Variants in DMD observed in about 807,000 individuals in gnomAD.
The protein encoded by DMD is mutant dystrophin.
DMD carries 63 observed loss-of-function variants against 330.1 expected under a neutral mutation model. The ratio of observed to expected loss-of-function variants is 0.19; its 90% CI spans 0.16 to 0.24. The LOEUF (loss-of-function observed/expected upper bound fraction) is 0.24. DMD is among the 10% of genes least tolerant of loss of function. DMD has a pLI of 1.00. For missense variants in DMD, 3,344 were observed against 2,684.1 expected (o/e 1.25, Z -5.43); for synonymous variants, 1,223 against 959.8 (o/e 1.27, Z -5.07).
intron 9 of DMD, among the ~76,000 whole-genome samples, chrX:32,683,099 CA>C: frequency 8.9e-6 from 1 of 111,890 alleles, no homozygotes; most frequent in South Asian, 3.8e-4. Flanking sequence ...CACATTCTAA[CA>C]GCAGTCTTTA....
intron 55 of DMD, among the ~76,000 whole-genome samples, chrX:31,524,840 G>A (rs2073126647): frequency 9.0e-6 from 1 of 111,628 alleles, no homozygotes; most frequent in Non-Finnish European, 1.9e-5. Context: ...TTTTAAGTGT[G>A]ATTGCTAGAA....
intron 50 of DMD, among the ~76,000 whole-genome samples, chrX:31,779,480 G>A (rs1201123260): frequency 8.9e-6 from 1 of 111,855 alleles, no homozygotes; most frequent in African/African-American, 3.3e-5. Context: ...TTCTTCTCAA[G>A]TCCATTGGAG....
chrX:31,934,636 A>C (rs374339401), intron 45 of DMD, among the ~76,000 whole-genome samples: 1 of 111,249 alleles, frequency 9.0e-6, no homozygotes, highest in Admixed American at 9.6e-5. Flanking sequence ...CTGATCTAGA[A>C]GTACTTCTGC....
chrX:33,260,688 G>C, intron 1 of DMD, among the ~76,000 whole-genome samples: 1 of 111,476 alleles, frequency 9.0e-6, no homozygotes, highest in Non-Finnish European at 1.9e-5. Flanking sequence ...CCTATCAAAA[G>C]TGAAATGGGA....
Position 31,415,688 on chromosome X carries a change from A to G in DMD, c.9084+28793T>C, listed in dbSNP as rs186987335. ...TTATGGATAAATTTTGTTTACCAAT[A>G]TCCTTCCTCATTCCTGGTTCTGCTT... On this transcript the variant is annotated intron_variant, in intron 60 of 78. Transcript: ENST00000357033. 6.7e-3 allele frequency among the ~76,000 whole-genome samples: 744 copies of G among 111,572 alleles called. 2 individuals carry two copies. The highest frequency in any genetic ancestry group is 0.011 in the Non-Finnish European group (593 of 53,136).
At position 31,496,954 on chromosome X, in the gene DMD, A is replaced by G; in HGVS notation, c.8391-10T>C. The G allele has an allele frequency of 2.5e-6, 3 of 1,203,364 alleles. No homozygotes were observed. The highest frequency in any genetic ancestry group is 3.4e-6 in the Non-Finnish European group (3 of 890,467). ...GGCTTCCAAATGGGACCTGAAAAAGAACAGCAGCGTACCATGTCAGAATAT... is the reference window on the plus strand; with the variant it reads ...GGCTTCCAAATGGGACCTGAAAAAGGACAGCAGCGTACCATGTCAGAATAT... On this transcript the variant is annotated splice_polypyrimidine_tract_variant and intron_variant, in intron 56 of 78. Transcript: ENST00000357033.
chrX:31,156,286 T>C (rs934966934), intron 74 of DMD, among the ~76,000 whole-genome samples: 1 of 112,335 alleles, frequency 8.9e-6, no homozygotes, highest in South Asian at 3.7e-4. Flanking sequence ...AAAGGTTTTA[T>C]ATAAGACATT....
At chrX:31,203,533 GT>G (rs1310034201) in intron 67 of DMD, among the ~76,000 whole-genome samples, 1 of 58,332 alleles carries the variant, frequency 1.7e-5, no homozygotes, top group African/African-American at 5.2e-5. Context: ...ACAAAGGACA[GT>G]TTTAAAAAAA....
chrX:32,817,008 G>A (rs995506905), intron 5 of DMD, among the ~76,000 whole-genome samples: 2 of 111,653 alleles, frequency 1.8e-5, no homozygotes, highest in Non-Finnish European at 3.8e-5. Flanking sequence ...ATATAAAAGC[G>A]CTTTTTGGAT....
chrX:33,000,702 T>A (rs1267208213), intron 2 of DMD, among the ~76,000 whole-genome samples: 3 of 112,288 alleles, frequency 2.7e-5, no homozygotes, highest in Non-Finnish European at 5.6e-5. Flanking sequence ...AATAATGCAA[T>A]AAATAATACT....
In DMD at chrX:33,206,272, T is replaced by C. The variant is rs769919181; in HGVS notation, c.31+5010A>G. ...TTCATCAATTTGCTAGCATTTTTAA[T>C]TTATGGACAATTATTTTCTTAAAAT... On this transcript the variant is annotated intron_variant, in intron 1 of 78. Transcript: ENST00000357033. 3.1e-4 allele frequency among the ~76,000 whole-genome samples: 35 copies of C among 112,314 alleles called. No individual in the cohort carries two copies. In the South Asian group the frequency reaches 4.0e-3, roughly 13 times the overall value.
chrX:32,335,945 GTA>G (rs1491168851), intron 41 of DMD, among the ~76,000 whole-genome samples: 34 of 104,304 alleles, frequency 3.3e-4, no homozygotes, highest in African/African-American at 1.0e-3. Context: ...GTGTATACGT[GTA>G]TGTTATATAT....
At chrX:31,693,232 T>G (rs1187811752) in intron 52 of DMD, among the ~76,000 whole-genome samples, 1 of 111,880 alleles carries the variant, frequency 8.9e-6, no homozygotes. Flanking sequence ...CATCCTTTTA[T>G]GAGAAAAACT....
chrX:32,473,736 T>C (rs748801536), intron 21 of DMD, among the ~76,000 whole-genome samples: 6 of 111,864 alleles, frequency 5.4e-5, no homozygotes, highest in South Asian at 3.7e-4. Flanking sequence ...TTATATTTAA[T>C]CTGAGCACTT....
At chrX:31,701,274 T>A (rs1231108496) in intron 52 of DMD, among the ~76,000 whole-genome samples, 1 of 112,103 alleles carries the variant, frequency 8.9e-6, no homozygotes, top group Non-Finnish European at 1.9e-5. Context: ...AAACGGAAAT[T>A]AACCCCGAAA....
At position 31,618,625 on chromosome X, in the gene DMD, C is replaced by G. The variant is rs993541628; in HGVS notation, c.8217+9048G>C. Reference sequence around the variant, plus strand: ...AGTCAATGTAGAGTAATGGGTAGGACAGTAGAGTTGGTAGAAGATCAGAAA... The same window carrying G: ...AGTCAATGTAGAGTAATGGGTAGGAGAGTAGAGTTGGTAGAAGATCAGAAA... On this transcript the variant is annotated intron_variant, in intron 55 of 78. Coordinates refer to ENST00000357033, the MANE Select transcript of DMD (RefSeq NM_004006.3). 7.2e-5 allele frequency among the ~76,000 whole-genome samples: 8 copies of G among 111,665 alleles called. No homozygotes were observed. The East Asian group carries it at 2.2e-3, about 31-fold the overall frequency.
intron 44 of DMD, among the ~76,000 whole-genome samples, chrX:32,023,723 T>C (rs2095824432): frequency 8.9e-6 from 1 of 111,756 alleles, no homozygotes; most frequent in Admixed American, 9.5e-5. Context: ...ATAAAGAATG[T>C]GGCGCGTATA....
chrX:31,130,443 A>G (rs776535193), intron 77 of DMD, among the ~76,000 whole-genome samples: 1 of 112,175 alleles, frequency 8.9e-6, no homozygotes, highest in South Asian at 3.8e-4. Flanking sequence ...GCTAATATTC[A>G]GTGTTCAAAT....
chrX:31,609,001 T>C (rs2077757333), intron 55 of DMD, among the ~76,000 whole-genome samples: 1 of 112,264 alleles, frequency 8.9e-6, no homozygotes, highest in South Asian at 3.7e-4. Context: ...GATGTGTACT[T>C]ACTTATATCT....
Sources: allele counts gnomAD v4.1 joint callset (sites outside exome capture counted in the v4.1 genomes callset), GRCh38; gene constraint gnomAD v4.1.1; transcripts MANE v1.5; gene names NCBI Gene and HGNC (gene_info 2026-07-23, HGNC 2026-07-21).